Variants in CNNM2 observed in about 807,000 individuals in gnomAD.
CNNM2 encodes the protein metal transporter CNNM2.
CNNM2 carries 12 observed loss-of-function variants against 66.9 expected under a neutral mutation model. That is an observed-to-expected ratio of 0.18 (90% CI 0.11 to 0.29). The LOEUF is 0.29. Ranked by LOEUF, CNNM2 falls within the 10% of genes least tolerant of loss-of-function variation. The pLI is 1.00. For synonymous variants in CNNM2, 557 were observed against 501.8 expected (o/e 1.11, Z -1.47); for missense variants, 705 against 1,167.7 (o/e 0.60, Z 5.77).
At chr10:102,924,121 G>A (rs1418405819) in intron 1 of CNNM2, among the ~76,000 whole-genome samples, 2 of 152,112 alleles carry the variant, frequency 1.3e-5, no homozygotes, top group Non-Finnish European at 2.9e-5. Flanking sequence ...AGTAAATACC[G>A]CTAGAGGATT....
At chr10:103,031,707 A>G (rs1564852836) in intron 1 of CNNM2, among the ~76,000 whole-genome samples, 2 of 152,194 alleles carry the variant, frequency 1.3e-5, no homozygotes, top group Non-Finnish European at 2.9e-5. Flanking sequence ...AAGGAAAGTG[A>G]AATGAGAAGG....
chr10:103,034,355 A>C (rs926794137), intron 1 of CNNM2, among the ~76,000 whole-genome samples: 5 of 135,980 alleles, frequency 3.7e-5, no homozygotes, highest in African/African-American at 1.4e-4. Flanking sequence ...CAAAACAAAA[A>C]AAACCATTAC....
chr10:103,032,757 A>T (rs946749750), intron 1 of CNNM2, among the ~76,000 whole-genome samples: 3 of 148,008 alleles, frequency 2.0e-5, no homozygotes, highest in African/African-American at 7.5e-5. Flanking sequence ...TCTAGTGTGG[A>T]TATTGTAGAA....
At chr10:102,976,602 G>T (rs1425697133) in intron 1 of CNNM2, among the ~76,000 whole-genome samples, 1 of 122,566 alleles carries the variant, frequency 8.2e-6, no homozygotes, top group South Asian at 2.4e-4. Context: ...TGCGCCACAC[G>T]CCCAGGTAAT....
At position 102,918,909 on chromosome 10, in the gene CNNM2, G is replaced by C; in HGVS notation, c.429G>C (p.Pro143=). 6.2e-7 allele frequency: 1 copy of C among 1,611,566 alleles called. No individual in the cohort carries two copies. The highest frequency in any genetic ancestry group is 8.5e-7 in the Non-Finnish European group (1 of 1,179,110). Residue 143 remains proline, a synonymous_variant, in exon 1 of 8, where the codon CCG becomes CCC. Transcript: ENST00000369878. This position sits in a 1 kb window ranked among gnomAD's most constrained non-coding sequence, Gnocchi z 4.1. ...RGLGGPAPPE[P]DSGPQRCGIR... is the part of the protein sequence containing the mutation. ...TGGGGGGCCCCGCGCCGCCAGAGCC[G>C]GACAGCGGCCCCCAGCGATGCGGCA...
At chr10:102,993,942 T>C (rs993533360) in intron 1 of CNNM2, among the ~76,000 whole-genome samples, 1 of 151,694 alleles carries the variant, frequency 6.6e-6, no homozygotes, top group African/African-American at 2.4e-5. Context: ...CTTTTTTCTG[T>C]GTGTGTGTGA....
chr10:103,000,206 AGCGTGTGTGACAAGAGC>A (rs2064090452), intron 1 of CNNM2, among the ~76,000 whole-genome samples: 1 of 151,904 alleles, frequency 6.6e-6, no homozygotes, highest in Admixed American at 6.6e-5. Flanking sequence ...GTTGCACTCC[AGCGTGTGTGACAAGAGC>A]GAAACTCCGT....
chr10:102,935,605 ATT>A (rs34763981), intron 1 of CNNM2, among the ~76,000 whole-genome samples: 38 of 128,000 alleles, frequency 3.0e-4, no homozygotes, highest in Admixed American at 4.1e-4. Context: ...TTAAAAAAAA[ATT>A]TTTTTTTTTT....
intron 1 of CNNM2, among the ~76,000 whole-genome samples, chr10:102,985,356 A>T (rs985571804): frequency 6.6e-6 from 1 of 152,138 alleles, no homozygotes; most frequent in South Asian, 2.1e-4. Flanking sequence ...GAATTTTAAA[A>T]TTTTAAAATT....
At chr10:102,998,146 A>G (rs2064038969) in intron 1 of CNNM2, among the ~76,000 whole-genome samples, 1 of 152,100 alleles carries the variant, frequency 6.6e-6, no homozygotes, top group Non-Finnish European at 1.5e-5. Flanking sequence ...AGTCCCTTAG[A>G]CTGAAGCCAC....
chr10:102,941,959 C>G (rs1032649031), intron 1 of CNNM2, among the ~76,000 whole-genome samples: 1 of 152,164 alleles, frequency 6.6e-6, no homozygotes, highest in African/African-American at 2.4e-5. Flanking sequence ...TGTTGTGATA[C>G]TAGTACTCTT....
At chr10:103,049,959 A>G in intron 2 of CNNM2, 109 bp downstream of exon 2, 2 of 1,081,170 alleles carry the variant, frequency 1.8e-6, no homozygotes, top group East Asian at 2.4e-5. Context: ...ATAATGACAC[A>G]TGATGTGTGT....
chr10:103,007,915 T>C (rs1011745004), intron 1 of CNNM2, among the ~76,000 whole-genome samples: 9 of 152,208 alleles, frequency 5.9e-5, no homozygotes, highest in Non-Finnish European at 1.0e-4. Flanking sequence ...GGAACTGATA[T>C]ATGTCCGTAT....
At chr10:102,987,856 A>C (rs539088778) in intron 1 of CNNM2, among the ~76,000 whole-genome samples, 3 of 152,186 alleles carry the variant, frequency 2.0e-5, no homozygotes, top group Non-Finnish European at 4.4e-5. Context: ...TTTGGAAATT[A>C]AGGTTCCAAA....
chr10:103,049,923 C>T (rs1303265439), intron 2 of CNNM2, 73 bp downstream of exon 2: 15 of 1,476,134 alleles, frequency 1.0e-5, no homozygotes, highest in East Asian at 6.8e-5. Context: ...AGTCTTCTGA[C>T]GTTTCTCCAG....
intron 4 of CNNM2, among the ~76,000 whole-genome samples, chr10:103,066,575 A>T (rs4917381): frequency 1.7e-4 from 26 of 152,204 alleles, no homozygotes; most frequent in Admixed American, 1.7e-3. Flanking sequence ...CCCTGCAAAC[A>T]CAGAGCCTGG....
At chr10:102,920,308 C>G (rs1040805123) in intron 1 of CNNM2, among the ~76,000 whole-genome samples, 1 of 152,116 alleles carries the variant, frequency 6.6e-6, no homozygotes, top group Non-Finnish European at 1.5e-5. Context: ...AAGCACAAGA[C>G]TGCCATCACT....
At chr10:102,953,379 C>T (rs1359212757) in intron 1 of CNNM2, among the ~76,000 whole-genome samples, 1 of 151,932 alleles carries the variant, frequency 6.6e-6, no homozygotes, top group African/African-American at 2.4e-5. Flanking sequence ...GCCTCAGCCT[C>T]CTGAGTAGCT....
At chr10:102,941,830 T>G (rs1846447052) in intron 1 of CNNM2, among the ~76,000 whole-genome samples, 1 of 152,214 alleles carries the variant, frequency 6.6e-6, no homozygotes, top group African/African-American at 2.4e-5. Flanking sequence ...GTAAGCTCCA[T>G]AAGGGCAGGG....
Sources: gnomAD v4.1 joint callset for allele counts (sites outside exome capture counted in the v4.1 genomes callset) on GRCh38, gnomAD v4.1.1 for gene constraint, Gnocchi (gnomAD v3.1) non-coding constraint, MANE v1.5 for transcripts, NCBI Gene and HGNC (gene_info 2026-07-23, HGNC 2026-07-21) for gene names.